GYS1: variants seen among roughly 807,000 people sequenced by gnomAD.
The protein encoded by GYS1 is glycogen synthase 1, also known as glycogen [starch] synthase, muscle.
GYS1 carries 60 observed loss-of-function variants against 89.1 expected under a neutral mutation model. The observed-to-expected ratio is 0.67, with a 90% CI of 0.55 to 0.84. The LOEUF is 0.84. Ranked by LOEUF, GYS1 falls within the 40% of genes least tolerant of loss-of-function variation. The probability of loss-of-function intolerance (pLI) is 0.00; values close to 1 mark genes in which losing one functional copy is unlikely to be tolerated. For missense variants in GYS1, 888 were observed against 1,003.1 expected, an observed-to-expected ratio of 0.89 and a Z score of 1.55; for synonymous variants, 366 against 401.7, an observed-to-expected ratio of 0.91 and a Z score of 1.06.
intron 5 of GYS1, 49 bp from the exon 6 acceptor site, chr19:48,982,886 ATGT>A (rs762604447): frequency 1.6e-6 from 2 of 1,257,266 alleles, no homozygotes; most frequent in South Asian, 1.2e-5. Flanking sequence ...ATTCAGATCA[ATGT>A]TGTGGTTGAA....
intron 2 of GYS1, among the ~76,000 whole-genome samples, chr19:48,988,878 G>A (rs1177155951): frequency 6.6e-6 from 1 of 152,016 alleles, no homozygotes; most frequent in African/African-American, 2.4e-5. Flanking sequence ...GATTACAGGC[G>A]TGAGCTACTG....
At position 48,974,176 on chromosome 19, in the gene GYS1, T is replaced by C. The variant is rs113742462; in HGVS notation, c.1549+37A>G. The stretch of plus-strand genomic sequence containing the variant: ...CAAGACATGCTAGCTCTGACTAGGA[T>C]GCCATGACCACGCTGTCCCCTGCCC... On this transcript the variant is annotated intron_variant, in intron 12 of 15. Coordinates refer to ENST00000323798, the MANE Select transcript of GYS1 (RefSeq NM_002103.5). 2,058 of 1,564,856 alleles carry C rather than the reference T, an allele frequency of 1.3e-3. 24 individuals carry two copies. In the African/African-American group the frequency reaches 0.024, roughly 18 times the overall value.
At chr19:48,986,539 G>C (rs550418180) in intron 3 of GYS1, among the ~76,000 whole-genome samples, 25 of 137,976 alleles carry the variant, frequency 1.8e-4, no homozygotes, top group Admixed American at 2.4e-4. Context: ...GTCTCACTCT[G>C]TGGCCCAGGC....
At chr19:48,979,929 G>T (rs2038730981) in intron 8 of GYS1, among the ~76,000 whole-genome samples, 1 of 152,018 alleles carries the variant, frequency 6.6e-6, no homozygotes, top group East Asian at 1.9e-4. Flanking sequence ...TTACAGGTGT[G>T]AGCCACCACG....
chr19:48,977,828 G>T, intron 10 of GYS1, 96 bp downstream of exon 10: 1 of 887,130 alleles, frequency 1.1e-6, no homozygotes, highest in South Asian at 1.3e-5. Context: ...GAGAAAGCAG[G>T]ACTCCCAGCA....
intron 12 of GYS1, 111 bp from the exon 13 acceptor site, chr19:48,971,134 C>A: frequency 1.3e-6 from 1 of 786,820 alleles, no homozygotes; most frequent in Non-Finnish European, 2.3e-6. Flanking sequence ...AAGTGCCAGG[C>A]GCTGTGCGGA....
intron 10 of GYS1, among the ~76,000 whole-genome samples, chr19:48,977,116 G>T (rs927172155): frequency 4.6e-5 from 7 of 151,802 alleles, no homozygotes; most frequent in Non-Finnish European, 4.4e-5. Context: ...GGGGGTGGGT[G>T]GGGGGCTAGT....
chr19:48,989,613 C>CA (rs1346531277), intron 2 of GYS1, among the ~76,000 whole-genome samples: 2 of 151,990 alleles, frequency 1.3e-5, no homozygotes, highest in African/African-American at 4.8e-5. Context: ...TTAGTAGAGA[C>CA]AGAGTTTCGC....
At chr19:48,986,559 G>C (rs1026518223) in intron 3 of GYS1, among the ~76,000 whole-genome samples, 1 of 147,774 alleles carries the variant, frequency 6.8e-6, no homozygotes, top group Non-Finnish European at 1.5e-5. Flanking sequence ...CTGGAGTGCC[G>C]TGATGCAATC....
rs771631374 is a variant in GYS1 at position 48,982,822 on chromosome 19, T to C, written c.839A>G (p.Asn280Ser). ...AGAAAACTTCTTCACATTCAGCCCA[T>C]TGGGGGTCACAATATCTGGGATTGG... ...LKRKPDIVTP[N>S]GLNVKKFSAM... The change falls in exon 6 of 16, where the codon AAT becomes AGT. Residue 280 changes from asparagine (N) to serine (S), a missense_variant. Coordinates refer to ENST00000323798, the MANE Select transcript of GYS1 (RefSeq NM_002103.5). The C allele has an allele frequency of 4.4e-6, 7 of 1,605,678 alleles. No individual in the cohort carries two copies. The highest frequency in any genetic ancestry group is 2.2e-5 in the East Asian group (1 of 44,850).
Position 48,975,933 on chromosome 19 carries a change from AAAG to A in GYS1, c.1309-1203_1309-1201del, listed in dbSNP as rs1255632773. ...TCTCAAAAAAAAAAAAAAAAAAAAA[AAAG>A]AAGAAAAAAGAAAATTCACCTCCAA... On this transcript the variant is annotated intron_variant, in intron 10 of 15. Transcript: ENST00000323798. Among the ~76,000 whole-genome samples the A allele has an allele frequency of 1.6e-4, 24 of 150,508 alleles. No individual in the cohort carries two copies. The South Asian group carries it at 2.3e-3, about 14-fold the overall frequency.
At chr19:48,987,411 T>C (rs781479100) in intron 2 of GYS1, 26 bp from the exon 3 acceptor site, 24 of 1,543,488 alleles carry the variant, frequency 1.6e-5, no homozygotes, top group Non-Finnish European at 1.8e-5. Flanking sequence ...GGAGGCACCA[T>C]AGGGAGGCTC....
chr19:48,978,368 G>C lies in GYS1; in HGVS notation c.1170-211C>G, dbSNP rs111793342. ...AGCCTCCCGAGTAGCTGGGATTACAGGCATGAGCCACCGCGCCCGGCTAAT... is the reference window on the plus strand; with the variant it reads ...AGCCTCCCGAGTAGCTGGGATTACACGCATGAGCCACCGCGCCCGGCTAAT... On this transcript the variant is annotated intron_variant, in intron 8 of 15. Transcript: ENST00000323798. 6.0e-4 allele frequency: 349 copies of C among 580,102 alleles called. 2 individuals are homozygous for C. In the African/African-American group the frequency reaches 6.1e-3, roughly 10 times the overall value. The allele number at this position is 580,102 out of a possible 1,614,324, so 35.9% of individuals were successfully genotyped here. A position where few individuals can be genotyped will look rare whatever the true frequency, so the allele number is the denominator to read the frequency against.
chr19:48,982,635 C>T (rs115057212), intron 6 of GYS1, 85 bp downstream of exon 6: 29 of 1,035,142 alleles, frequency 2.8e-5, no homozygotes, highest in East Asian at 4.7e-5. Flanking sequence ...GGAGTCTGGG[C>T]CCCCAGCTGC....
intron 12 of GYS1, among the ~76,000 whole-genome samples, chr19:48,973,035 C>A (rs2122470741): frequency 6.6e-6 from 1 of 152,194 alleles, no homozygotes; most frequent in South Asian, 2.1e-4. Flanking sequence ...TGTGTTCCCC[C>A]CCAAATTTCA....
rs1400738749 is a variant in GYS1, at chr19:48,968,750, C to T, written c.*538G>A. ...GGCTAGAACATCCCTCCCAGAGCCCCACTTCTGGAGTTGAAATGGAGGACC... is the reference window on the plus strand; with the variant it reads ...GGCTAGAACATCCCTCCCAGAGCCCTACTTCTGGAGTTGAAATGGAGGACC... On this transcript the variant is annotated 3_prime_UTR_variant, in exon 16 of 16. Transcript: ENST00000323798. The T allele has an allele frequency of 8.8e-6, 4 of 454,094 alleles. No individual in the cohort carries two copies. The highest frequency in any genetic ancestry group is 1.8e-5 in the Non-Finnish European group (4 of 226,850). 28.1% of individuals were successfully genotyped at this position (454,094 alleles called of 1,614,324 possible).
At chr19:48,990,456 C>CA (rs1237658809) in intron 2 of GYS1, among the ~76,000 whole-genome samples, 3 of 152,140 alleles carry the variant, frequency 2.0e-5, no homozygotes, top group Non-Finnish European at 2.9e-5. Context: ...CTTCTGTCCC[C>CA]AGTCTATTAC....
intron 14 of GYS1, chr19:48,970,253 T>G (rs889900739): frequency 1.7e-5 from 8 of 466,302 alleles, no homozygotes; most frequent in Non-Finnish European, 3.1e-5. Flanking sequence ...GCCTCCCCAG[T>G]AGCTGGGACT....
At chr19:48,973,501 T>C (rs1328576522) in intron 12 of GYS1, among the ~76,000 whole-genome samples, 1 of 145,008 alleles carries the variant, frequency 6.9e-6, no homozygotes, top group Non-Finnish European at 1.5e-5. Flanking sequence ...CTAATTTAGC[T>C]TTAATTTTTT....
Sources: gnomAD v4.1 joint callset for allele counts (sites outside exome capture counted in the v4.1 genomes callset) on GRCh38, gnomAD v4.1.1 for gene constraint, MANE v1.5 for transcripts, NCBI Gene and HGNC (gene_info 2026-07-23, HGNC 2026-07-21) for gene names.